Variants in USP46 observed in about 807,000 individuals in gnomAD.
USP46 encodes ubiquitin carboxyl-terminal hydrolase 46.
In USP46, 12 loss-of-function variants were observed where a neutral mutation model predicts 44.4. That is an observed-to-expected ratio of 0.27 (90% CI 0.17 to 0.44). USP46 has a LOEUF of 0.44. Among genes scored for constraint, USP46 ranks in the 20% least tolerant of loss-of-function variants. The pLI, the probability that USP46 is intolerant of heterozygous loss-of-function variation, is 1.00. For missense variants in USP46, 248 were observed against 444.8 expected, an observed-to-expected ratio of 0.56 and a Z score of 3.98; for synonymous variants, 155 against 161.5, an observed-to-expected ratio of 0.96 and a Z score of 0.31.
At chr4:52,610,002 T>A (rs1362909616) in intron 5 of USP46, among the ~76,000 whole-genome samples, 1 of 124,500 alleles carries the variant, frequency 8.0e-6, no homozygotes, top group African/African-American at 3.0e-5. Context: ...CTCGACTCAC[T>A]GCAAGCTCCG....
At chr4:52,610,667 T>C (rs995456590) in intron 4 of USP46, 50 bp from the exon 5 acceptor site, 3 of 1,569,332 alleles carry the variant, frequency 1.9e-6, no homozygotes, top group Non-Finnish European at 2.6e-6. Flanking sequence ...ATGTAGTAGA[T>C]AAAACTTTGA....
At chr4:52,632,988 A>AAAGAAAGAAAGAAAGAAAGAAAGAAAG (rs1560406196) in intron 1 of USP46, among the ~76,000 whole-genome samples, 1 of 31,386 alleles carries the variant, frequency 3.2e-5, no homozygotes, top group South Asian at 1.3e-3. Flanking sequence ...AAGAAAGAAA[A>AAAGAAAGAAAGAAAGAAAGAAAGAAAG]GAAAAGAAAG....
chr4:52,633,965 A>C (rs1462666710), intron 1 of USP46, among the ~76,000 whole-genome samples: 1 of 152,056 alleles, frequency 6.6e-6, no homozygotes, highest in Non-Finnish European at 1.5e-5. Context: ...AACTGGCTCT[A>C]CTCTGAGGCC....
At chr4:52,627,919 G>A (rs1717655203) in intron 3 of USP46, 31 bp downstream of exon 3, 4 of 1,587,128 alleles carry the variant, frequency 2.5e-6, no homozygotes, top group Middle Eastern at 1.7e-4. Flanking sequence ...TATTTCAGAG[G>A]CTTAAATACA....
chr4:52,634,365 C>T (rs1407086965), intron 1 of USP46, among the ~76,000 whole-genome samples: 3 of 149,542 alleles, frequency 2.0e-5, no homozygotes, highest in South Asian at 4.4e-4. Flanking sequence ...AAAAATTGAC[C>T]GGTTGTGGTG....
chr4:52,634,108 G>A (rs950440297), intron 1 of USP46, among the ~76,000 whole-genome samples: 1 of 151,706 alleles, frequency 6.6e-6, no homozygotes, highest in African/African-American at 2.4e-5. Flanking sequence ...AAACATTTTC[G>A]TGTCTTTTTT....
chr4:52,638,565 T>C (rs2109650611), intron 1 of USP46, among the ~76,000 whole-genome samples: 1 of 150,826 alleles, frequency 6.6e-6, no homozygotes, highest in Admixed American at 6.6e-5. Flanking sequence ...GTCTCCCTTA[T>C]ATATTCCAGT....
intron 6 of USP46, 143 bp downstream of exon 6, chr4:52,604,358 G>T (rs17051593): frequency 3.1e-6 from 2 of 652,746 alleles, no homozygotes; most frequent in Admixed American, 3.6e-5. Flanking sequence ...AGTTTCACTG[G>T]TGAGGAGGAT....
At chr4:52,614,738 C>CT in intron 4 of USP46, among the ~76,000 whole-genome samples, 1 of 152,216 alleles carries the variant, frequency 6.6e-6, no homozygotes, top group East Asian at 1.9e-4. Flanking sequence ...ATACAAAATA[C>CT]TTTTTTCCTC....
In USP46 at chr4:52,659,101, G is replaced by A; in HGVS notation, c.36+14C>T. The A allele has an allele frequency of 1.3e-6, 2 of 1,556,500 alleles. No homozygotes were observed. Among genetic ancestry groups the A allele is most frequent in the East Asian group, 2.6e-5 (1 of 38,792 alleles). ...GCGAGTCGGGCGCGACCCCGAGGCG[G>A]CTCGGCCACTCACCATATTACAGAT... is the stretch of plus-strand genomic sequence containing the variant. On this transcript the variant is annotated intron_variant, in intron 1 of 8. Transcript: ENST00000441222. This position sits in a 1 kb window ranked among gnomAD's most constrained non-coding sequence, Gnocchi z 4.2.
chr4:52,601,092 G>A (rs570916591), intron 7 of USP46, among the ~76,000 whole-genome samples: 7 of 152,238 alleles, frequency 4.6e-5, no homozygotes, highest in Admixed American at 3.9e-4. Context: ...ACCATAATCC[G>A]ACCTTAACAG....
intron 1 of USP46, among the ~76,000 whole-genome samples, chr4:52,639,507 C>T (rs573962608): frequency 9.6e-4 from 146 of 151,418 alleles, no homozygotes; most frequent in African/African-American, 3.4e-3. Flanking sequence ...CAGGGGGAAG[C>T]AGAAAAAAAA....
chr4:52,624,798 G>A (rs545037147), intron 4 of USP46, among the ~76,000 whole-genome samples: 6 of 152,250 alleles, frequency 3.9e-5, no homozygotes, highest in South Asian at 2.1e-4. Context: ...AAGGAGACCC[G>A]AGAGAGCTTG....
At chr4:52,635,159 A>G (rs564701597) in intron 1 of USP46, among the ~76,000 whole-genome samples, 12 of 147,898 alleles carry the variant, frequency 8.1e-5, no homozygotes, top group Middle Eastern at 7.2e-3. Context: ...CATCACAGCC[A>G]CATCTACATC....
In USP46 at chr4:52,593,068, G is replaced by GCCC. The variant is rs1716089114; in HGVS notation, c.*4571_*4572insGGG. On this transcript the variant is annotated 3_prime_UTR_variant, in exon 9 of 9. Transcript: ENST00000441222. ...ATGTCTTTATAGCACTGCCAGAATG[G>GCCC]ACAAATACAACGACTTAGTAAGTAT... 2 of 397,110 alleles carry GCCC rather than the reference G, an allele frequency of 5.0e-6. No individual in the cohort carries two copies. Among genetic ancestry groups the GCCC allele is most frequent in the Non-Finnish European group, 8.9e-6 (2 of 225,692 alleles). The allele number at this position is 397,110 out of a possible 1,614,324, so 24.6% of individuals were successfully genotyped here.
chr4:52,600,064 G>C (rs1269409269), intron 7 of USP46, among the ~76,000 whole-genome samples: 2 of 152,150 alleles, frequency 1.3e-5, no homozygotes, highest in Non-Finnish European at 2.9e-5. Flanking sequence ...TGATAGCACT[G>C]ATCAAAATCA....
intron 5 of USP46, among the ~76,000 whole-genome samples, chr4:52,608,313 C>T (rs1159463400): frequency 2.0e-5 from 3 of 152,128 alleles, no homozygotes; most frequent in Non-Finnish European, 4.4e-5. Context: ...TTCTTTTTCA[C>T]TCACCACAAT....
At chr4:52,601,209 T>C (rs935560136) in intron 7 of USP46, among the ~76,000 whole-genome samples, 5 of 152,194 alleles carry the variant, frequency 3.3e-5, no homozygotes, top group Non-Finnish European at 7.3e-5. Context: ...CTGTCCCAAC[T>C]GAGCAAAGAA....
intron 1 of USP46, among the ~76,000 whole-genome samples, chr4:52,650,716 T>G (rs1012193931): frequency 6.6e-6 from 1 of 152,218 alleles, no homozygotes; most frequent in African/African-American, 2.4e-5. Flanking sequence ...TTTTAAAAGC[T>G]TCACAGGTGA....
Sources: gnomAD v4.1 joint callset for allele counts (sites outside exome capture counted in the v4.1 genomes callset) on GRCh38, gnomAD v4.1.1 for gene constraint, Gnocchi (gnomAD v3.1) non-coding constraint, MANE v1.5 for transcripts, NCBI Gene and HGNC (gene_info 2026-07-23, HGNC 2026-07-21) for gene names.